Variants in SPAG5 observed in about 807,000 individuals in gnomAD.
SPAG5 encodes the protein sperm-associated antigen 5.
In SPAG5, 99 loss-of-function variants were observed where a neutral mutation model predicts 145.4. The ratio of observed to expected loss-of-function variants is 0.68; its 90% CI spans 0.58 to 0.80. The LOEUF is 0.80. SPAG5 is among the 30% of genes least tolerant of loss of function. The pLI is 0.00. For synonymous variants in SPAG5, 477 were observed against 525.4 expected (o/e 0.91, Z 1.26); for missense variants, 1,192 against 1,416.0 (o/e 0.84, Z 2.54).
intron 11 of SPAG5, 56 bp downstream of exon 11, chr17:28,584,596 C>T: frequency 6.2e-7 from 1 of 1,600,428 alleles, no homozygotes; most frequent in Non-Finnish European, 8.6e-7. Flanking sequence ...ACACTCCAAG[C>T]CTTAACAGGG....
At chr17:28,579,539 A>G in intron 17 of SPAG5, 54 bp from the exon 18 acceptor site, 4 of 1,587,594 alleles carry the variant, frequency 2.5e-6, no homozygotes, top group Non-Finnish European at 3.4e-6. Context: ...GGAAGGAAGG[A>G]GTGTATAGCC....
chr17:28,593,096 A>T, intron 2 of SPAG5, 30 bp from the exon 3 acceptor site: 1 of 1,602,530 alleles, frequency 6.2e-7, no homozygotes, highest in African/African-American at 1.3e-5. Flanking sequence ...TAGTTGTCTA[A>T]GGCAGTCAAT....
At chr17:28,596,542 C>T (rs954020504) in intron 2 of SPAG5, among the ~76,000 whole-genome samples, 2 of 151,258 alleles carry the variant, frequency 1.3e-5, no homozygotes, top group Non-Finnish European at 2.9e-5. Flanking sequence ...GTGGCACGTG[C>T]CTATAATCCC....
intron 1 of SPAG5, 24 bp downstream of exon 1, chr17:28,598,872 C>T: frequency 6.2e-7 from 1 of 1,613,402 alleles, no homozygotes; most frequent in Non-Finnish European, 8.5e-7. Flanking sequence ...GCCCAGTTCT[C>T]TCCGCCAGAG....
rs748260613 is a variant in SPAG5 at position 28,585,673 on chromosome 17, C to T, written c.1741-20G>A. 5 of 1,612,960 alleles carry T rather than the reference C, an allele frequency of 3.1e-6. No homozygotes were observed. The South Asian group carries it at 5.5e-5, about 18-fold the overall frequency. ...CTCTGCCTATTGAGGGAAGTGGTTG[C>T]AAGGCCACAGTGGGCAACAGGGGAG... is the stretch of plus-strand genomic sequence containing the variant. On this transcript the variant is annotated intron_variant, in intron 7 of 23. Transcript: ENST00000321765.
intron 4 of SPAG5, among the ~76,000 whole-genome samples, chr17:28,590,868 CAAAAAAA>C (rs60727111): frequency 2.7e-5 from 1 of 37,422 alleles, no homozygotes; most frequent in Non-Finnish European, 4.9e-5. Context: ...GACTCCGTCT[CAAAAAAA>C]AAAAAAAAAA....
At chr17:28,585,751 C>A (rs1026434224) in intron 7 of SPAG5, 98 bp from the exon 8 acceptor site, 1 of 1,606,576 alleles carries the variant, frequency 6.2e-7, no homozygotes. Flanking sequence ...TCTTTACTGC[C>A]CAGGGCAGGC....
chr17:28,595,891 A>G (rs1287513441), intron 2 of SPAG5, among the ~76,000 whole-genome samples: 1 of 152,070 alleles, frequency 6.6e-6, no homozygotes, highest in Admixed American at 6.5e-5. Context: ...TACTAAAAAT[A>G]CAAAAATTAC....
At chr17:28,585,236 G>A in intron 9 of SPAG5, 21 bp from the exon 10 acceptor site, 3 of 1,612,648 alleles carry the variant, frequency 1.9e-6, no homozygotes, top group Middle Eastern at 1.7e-4. Context: ...AAGCAAGCAG[G>A]TCAGTAGAGC....
At chr17:28,582,755 T>G (rs1253677013) in intron 15 of SPAG5, 3 of 152,234 alleles carry the variant, frequency 2.0e-5, no homozygotes, top group Admixed American at 6.5e-5. Flanking sequence ...GTCAACCATT[T>G]ATTGTTTAGT....
At chr17:28,586,048 AG>A (rs1263679850) in intron 6 of SPAG5, 41 bp downstream of exon 6, 3 of 1,613,858 alleles carry the variant, frequency 1.9e-6, no homozygotes, top group Non-Finnish European at 2.5e-6. Context: ...TATGGCTTTT[AG>A]TCCCACCACA....
intron 4 of SPAG5, among the ~76,000 whole-genome samples, chr17:28,591,408 T>C (rs2070619980): frequency 6.6e-6 from 1 of 152,200 alleles, no homozygotes; most frequent in Non-Finnish European, 1.5e-5. Flanking sequence ...TAGTGAGGCA[T>C]GCAAAACCAT....
In SPAG5 at chr17:28,585,864, C is replaced by T. The variant is rs1318352378; in HGVS notation, c.1740G>A (p.Ala580=). 6.2e-7 allele frequency: 1 copy of T among 1,614,198 alleles called. No homozygotes were observed. The highest frequency in any genetic ancestry group is 8.5e-7 in the Non-Finnish European group (1 of 1,180,038). Residue 580 remains alanine (A), a splice_region_variant and synonymous_variant, in exon 7 of 24, where the codon GCG becomes GCA. Coordinates refer to ENST00000321765, the MANE Select transcript of SPAG5 (RefSeq NM_006461.4). ...REEMALRGKD[A]AEIVLEAFCA... is the part of the protein sequence containing the mutation. Reference sequence around the variant, plus strand: ...CAAGAACAAATGCCTGTCACCTTACCGCATCCTTGCCTCTGAGAGCCATTT... The same window carrying T: ...CAAGAACAAATGCCTGTCACCTTACTGCATCCTTGCCTCTGAGAGCCATTT...
intron 13 of SPAG5, 26 bp downstream of exon 13, chr17:28,584,124 C>T (rs1244782813): frequency 1.2e-6 from 2 of 1,612,562 alleles, no homozygotes; most frequent in South Asian, 1.1e-5. Flanking sequence ...CTTACCAGCT[C>T]CCTTGGCCCA....
chr17:28,581,289 C>T (rs1597594160), intron 15 of SPAG5, among the ~76,000 whole-genome samples: 2 of 152,292 alleles, frequency 1.3e-5, no homozygotes, highest in Admixed American at 1.3e-4. Flanking sequence ...TGGCCTCAGT[C>T]CTGAAGTAGC....
In SPAG5 at chr17:28,591,910, G is replaced by A. The variant is rs372708793; in HGVS notation, c.1263-38C>T. ...GAGAAGAACATGACGAAAAGAAAAG[G>A]AGGGGAAGGGATGGGAGGGGAAGGT... is the stretch of plus-strand genomic sequence containing the variant. On this transcript the variant is annotated intron_variant, in intron 3 of 23. Coordinates refer to ENST00000321765, the MANE Select transcript of SPAG5 (RefSeq NM_006461.4). 3.1e-6 allele frequency: 5 copies of A among 1,610,434 alleles called. No homozygotes were observed. The African/African-American group carries it at 6.7e-5, about 22-fold the overall frequency.
rs1221028287 is a variant in SPAG5, at chr17:28,592,188, G to A, written c.1056C>T (p.Thr352=). Residue 352 remains threonine (T), a synonymous_variant, in exon 3 of 24, where the codon ACC becomes ACT. Coordinates refer to ENST00000321765, the MANE Select transcript of SPAG5 (RefSeq NM_006461.4). ...GGCGGAGATTTTCCAGCATGACGGA[G>A]GTATTTACACCTTTTTCCAGCCAGG... The part of the protein sequence containing the change: ...PLAWLEKGVN[T]SVMLENLRQS... 3 of 1,614,026 alleles carry A rather than the reference G, an allele frequency of 1.9e-6. No homozygotes were observed. In the African/African-American group the frequency reaches 4.0e-5, roughly 22 times the overall value.
intron 4 of SPAG5, among the ~76,000 whole-genome samples, chr17:28,588,416 A>T (rs987248462): frequency 6.6e-6 from 1 of 152,230 alleles, no homozygotes; most frequent in African/African-American, 2.4e-5. Flanking sequence ...ACAAGAGGAA[A>T]GGACACAAAG....
At position 28,585,416 on chromosome 17, in the gene SPAG5, AAAAG is replaced by A; in HGVS notation, c.1861-9_1861-6del. 6 of 1,614,186 alleles carry A rather than the reference AAAAG, an allele frequency of 3.7e-6. No homozygotes were observed. Among genetic ancestry groups the A allele is most frequent in the Non-Finnish European group, 5.1e-6 (6 of 1,180,030 alleles). ...TTGCTTGGCATGAAGCCCTACCTAC[AAAAG>A]AAAGATTGCCTAGGCGGGAACCCCT... On this transcript the variant is annotated splice_polypyrimidine_tract_variant and splice_region_variant and intron_variant, in intron 8 of 23. Coordinates refer to ENST00000321765, the MANE Select transcript of SPAG5 (RefSeq NM_006461.4).
Sources: allele counts gnomAD v4.1 joint callset (sites outside exome capture counted in the v4.1 genomes callset), GRCh38; gene constraint gnomAD v4.1.1; transcripts MANE v1.5; gene names NCBI Gene and HGNC (gene_info 2026-07-23, HGNC 2026-07-21).